The following PXDN variants were observed in gnomAD, a reference collection of about 807,000 sequenced individuals.
PXDN encodes the protein peroxidasin homolog.
A neutral mutation model predicts 140.3 loss-of-function variants in PXDN; 77 were observed. The observed-to-expected ratio is 0.55, with a 90% CI of 0.46 to 0.66. The LOEUF (loss-of-function observed/expected upper bound fraction) is 0.66, where lower values mean the gene tolerates loss of function less well. PXDN is among the 30% of genes least tolerant of loss of function. PXDN has a pLI of 0.00. For missense variants in PXDN, 1,838 were observed against 2,039.5 expected (o/e 0.90, Z 1.90); for synonymous variants, 911 against 857.4 (o/e 1.06, Z -1.09).
intron 1 of PXDN, among the ~76,000 whole-genome samples, chr2:1,694,315 A>T (rs1240882215): frequency 6.6e-6 from 1 of 152,222 alleles, no homozygotes; most frequent in Non-Finnish European, 1.5e-5. Context: ...TGATTATCCT[A>T]TGCCAATGTA....
rs576192356 is a variant in PXDN at position 1,708,557 on chromosome 2, C to T, written c.201-15423G>A. Among the ~76,000 whole-genome samples, 5 of 152,274 alleles carry T rather than the reference C, an allele frequency of 3.3e-5. No homozygotes were observed. In the South Asian group the frequency reaches 6.2e-4, roughly 19 times the overall value. ...GCAGAAACAGAGGCCGGGGAGGTTCCGCCCTGACCCACGATGGCAGAGGAA... is the reference window on the plus strand; with the variant it reads ...GCAGAAACAGAGGCCGGGGAGGTTCTGCCCTGACCCACGATGGCAGAGGAA... On this transcript the variant is annotated intron_variant, in intron 1 of 22. Coordinates refer to ENST00000252804, the MANE Select transcript of PXDN (RefSeq NM_012293.3).
chr2:1,638,806 A>C, intron 21 of PXDN, 40 bp downstream of exon 21: 1 of 1,613,362 alleles, frequency 6.2e-7, no homozygotes, highest in Non-Finnish European at 8.5e-7. Context: ...GCTGCTGTGG[A>C]ATCTTGGAGT....
At chr2:1,670,308 G>A (rs1683543752) in intron 9 of PXDN, among the ~76,000 whole-genome samples, 1 of 152,192 alleles carries the variant, frequency 6.6e-6, no homozygotes, top group Non-Finnish European at 1.5e-5. Flanking sequence ...TACAAAGAAA[G>A]AGAGTAAGAA....
In PXDN at chr2:1,687,913, A is replaced by G. The variant is rs1011395358; in HGVS notation, c.345-210T>C. Among the ~76,000 whole-genome samples, 4 of 152,236 alleles carry G rather than the reference A, an allele frequency of 2.6e-5. No individual in the cohort carries two copies. The highest frequency in any genetic ancestry group is 2.0e-4 in the Admixed American group (3 of 15,290). ...AGGGGGCTAAAAGCAACCGGTGCCA[A>G]CTGAAGGTGATCAAACCACTGCGAC... On this transcript the variant is annotated intron_variant, in intron 3 of 22. Transcript: ENST00000252804. This position sits in a 1 kb window ranked among gnomAD's most constrained non-coding sequence, Gnocchi z 4.0.
At chr2:1,638,004 G>A (rs1207148278) in intron 21 of PXDN, among the ~76,000 whole-genome samples, 1 of 152,134 alleles carries the variant, frequency 6.6e-6, no homozygotes, top group African/African-American at 2.4e-5. Flanking sequence ...CGGGATGAGG[G>A]GGCAGGCACA....
chr2:1,742,493 G>A (rs1253210177), intron 1 of PXDN, among the ~76,000 whole-genome samples: 2 of 152,206 alleles, frequency 1.3e-5, no homozygotes, highest in East Asian at 3.9e-4. Flanking sequence ...AGCACACCAT[G>A]CAAAGCGGAG....
intron 14 of PXDN, among the ~76,000 whole-genome samples, chr2:1,658,107 C>T (rs1289413379): frequency 4.3e-5 from 6 of 140,752 alleles, no homozygotes; most frequent in South Asian, 2.3e-4. Context: ...ACAGTGTCTG[C>T]GTGCGTCCAC....
intron 1 of PXDN, among the ~76,000 whole-genome samples, chr2:1,725,137 T>C (rs2125484459): frequency 6.6e-6 from 1 of 152,354 alleles, no homozygotes; most frequent in Admixed American, 6.5e-5. Flanking sequence ...AACAGATTGT[T>C]TTCTTGATTC....
Position 1,639,624 on chromosome 2 carries a change from C to T in PXDN, c.3953-202G>A, listed in dbSNP as rs935774032. 1.3e-5 allele frequency among the ~76,000 whole-genome samples: 2 copies of T among 152,166 alleles called. No homozygotes were observed. Among genetic ancestry groups the T allele is most frequent in the African/African-American group, 4.8e-5 (2 of 41,448 alleles). On this transcript the variant is annotated intron_variant, in intron 19 of 22. Transcript: ENST00000252804. This position sits in a 1 kb window ranked among gnomAD's most constrained non-coding sequence, Gnocchi z 5.0. ...GCCAAGCCTCTCTCCACCTGTGCCC[C>T]AGCCCTCATGACCTCCTGGTGCTGG...
At chr2:1,741,856 C>T (rs949897192) in intron 1 of PXDN, among the ~76,000 whole-genome samples, 2 of 152,184 alleles carry the variant, frequency 1.3e-5, no homozygotes, top group Non-Finnish European at 2.9e-5. Context: ...AATGTTGCTT[C>T]ACGTGTAGCA....
chr2:1,691,789 T>C lies in PXDN; in HGVS notation c.344+139A>G, dbSNP rs1027357682. On this transcript the variant is annotated intron_variant, in intron 3 of 22. Coordinates refer to ENST00000252804, the MANE Select transcript of PXDN (RefSeq NM_012293.3). Reference sequence around the variant, plus strand: ...CTATTTTAATAATCCCAGCTAAATGTTTACTCACCTTCTCAAAATAAAACC... The same window carrying C: ...CTATTTTAATAATCCCAGCTAAATGCTTACTCACCTTCTCAAAATAAAACC... 9 of 585,526 alleles carry C rather than the reference T, an allele frequency of 1.5e-5. No homozygotes were observed. In the African/African-American group the frequency reaches 1.8e-4, roughly 12 times the overall value. The allele number at this position is 585,526 out of a possible 1,614,324, so 36.3% of individuals were successfully genotyped here.
intron 1 of PXDN, among the ~76,000 whole-genome samples, chr2:1,717,215 G>C (rs985292545): frequency 6.6e-6 from 1 of 152,224 alleles, no homozygotes; most frequent in Non-Finnish European, 1.5e-5. Context: ...GAGAAAAAAA[G>C]CCTGCTTGGC....
At chr2:1,730,886 AT>A (rs1316815445) in intron 1 of PXDN, among the ~76,000 whole-genome samples, 1 of 152,160 alleles carries the variant, frequency 6.6e-6, no homozygotes, top group Non-Finnish European at 1.5e-5. Flanking sequence ...ACACTGGGCC[AT>A]GATGCATAAA....
chr2:1,736,750 A>C (rs895590088), intron 1 of PXDN, among the ~76,000 whole-genome samples: 3 of 152,126 alleles, frequency 2.0e-5, no homozygotes, highest in Non-Finnish European at 4.4e-5. Flanking sequence ...TAAAAGTAGG[A>C]GGCTAAGGCA....
At chr2:1,724,634 A>G (rs963766177) in intron 1 of PXDN, among the ~76,000 whole-genome samples, 2 of 152,150 alleles carry the variant, frequency 1.3e-5, no homozygotes, top group Admixed American at 1.3e-4. Context: ...CTCATTGTGT[A>G]TTCTTGGCAC....
At chr2:1,731,143 A>AGCGCGC (rs771785733) in intron 1 of PXDN, among the ~76,000 whole-genome samples, 193 of 114,392 alleles carry the variant, frequency 1.7e-3, no homozygotes, top group African/African-American at 4.2e-3. Flanking sequence ...CACTGTTGAG[A>AGCGCGC]GCGCGCGCGC....
chr2:1,693,984 C>T (rs751172250), intron 1 of PXDN, among the ~76,000 whole-genome samples: 20 of 152,226 alleles, frequency 1.3e-4, no homozygotes, highest in Non-Finnish European at 2.4e-4. Flanking sequence ...GCAGAGGCGT[C>T]GGCTCTACCC....
At chr2:1,740,761 G>A (rs1021437836) in intron 1 of PXDN, among the ~76,000 whole-genome samples, 3 of 152,224 alleles carry the variant, frequency 2.0e-5, no homozygotes, top group African/African-American at 7.2e-5. Flanking sequence ...CTCGTTTTCT[G>A]TGGGTGGCCC....
At position 1,744,412 on chromosome 2, in the gene PXDN, G is replaced by T; in HGVS notation, c.44C>A (p.Ala15Glu). The T allele has an allele frequency of 6.6e-7, 1 of 1,510,354 alleles. No individual in the cohort carries two copies. Among genetic ancestry groups the T allele is most frequent in the African/African-American group, 1.4e-5 (1 of 69,524 alleles). 93.6% of individuals were successfully genotyped at this position (1,510,354 alleles called of 1,614,324 possible). A position where few individuals can be genotyped will look rare whatever the true frequency, so the allele number is the denominator to read the frequency against. Residue 15 changes from alanine to glutamate, a missense_variant, in exon 1 of 23, where the codon GCG becomes GAG. Ala to Glu is a moderately radical substitution (Grantham distance 107). Coordinates refer to ENST00000252804, the MANE Select transcript of PXDN (RefSeq NM_012293.3). ...SRGPGRRCLLALVLFCAWGTL... is the reference protein window; with the variant it reads ...SRGPGRRCLLELVLFCAWGTL... ...CCCCCAGGCGCAGAACAGCACGAGCGCCAACAGGCAGCGGCGCCCGGGGCC... is the reference window on the plus strand; with the variant it reads ...CCCCCAGGCGCAGAACAGCACGAGCTCCAACAGGCAGCGGCGCCCGGGGCC...
Sources: allele counts gnomAD v4.1 joint callset (sites outside exome capture counted in the v4.1 genomes callset), GRCh38; gene constraint gnomAD v4.1.1; non-coding constraint Gnocchi (gnomAD v3.1); transcripts MANE v1.5; gene names NCBI Gene and HGNC (gene_info 2026-07-23, HGNC 2026-07-21).